Variants in MAD1L1 observed in about 807,000 individuals in gnomAD.
The protein encoded by MAD1L1 is mitotic spindle assembly checkpoint protein MAD1.
MAD1L1 carries 95 observed loss-of-function variants against 96.9 expected under a neutral mutation model. The ratio of observed to expected loss-of-function variants is 0.98; its 90% CI spans 0.83 to 1.16. The LOEUF (loss-of-function observed/expected upper bound fraction) is 1.16, where lower values mean the gene tolerates loss of function less well. Ranked by LOEUF, MAD1L1 falls within the 50% of genes most tolerant of loss-of-function variation. MAD1L1 has a pLI of 0.00. For synonymous variants in MAD1L1, 473 were observed against 396.6 expected (o/e 1.19, Z -2.29); for missense variants, 1,007 against 954.4 (o/e 1.06, Z -0.73).
At chr7:1,832,635 G>GGGGGGGGGT (rs1782757103) in intron 18 of MAD1L1, among the ~76,000 whole-genome samples, 1 of 25,192 alleles carries the variant, frequency 4.0e-5, no homozygotes, top group African/African-American at 2.4e-4. Flanking sequence ...TTTTTTGGCG[G>GGGGGGGGGT]GGGGGGGGGG....
In MAD1L1 at chr7:1,936,733, G is replaced by A. The variant is rs1482502057; in HGVS notation, c.1761C>T (p.Asp587=). The change falls in exon 17 of 19, where the codon GAC becomes GAT. Residue 587 remains aspartate, a synonymous_variant. Transcript: ENST00000265854. The stretch of plus-strand genomic sequence containing the variant: ...GCAGACTCGCGGCGGCAGCCTCAAG[G>A]TCGGCTGGGACGGTGCCTCCTCTCT... ...AMERGGTVPA[D]LEAAAASLPS... 1.0e-5 allele frequency: 16 copies of A among 1,563,602 alleles called. No individual in the cohort carries two copies. The highest frequency in any genetic ancestry group is 7.1e-5 in the East Asian group (3 of 42,068).
At chr7:2,073,591 G>C (rs763970640) in intron 11 of MAD1L1, among the ~76,000 whole-genome samples, 14 of 152,222 alleles carry the variant, frequency 9.2e-5, no homozygotes, top group Non-Finnish European at 1.3e-4. Context: ...CTCGCCTCTC[G>C]TGTCTGGCTG....
At chr7:1,840,708 A>G (rs1357751856) in intron 18 of MAD1L1, among the ~76,000 whole-genome samples, 2 of 152,236 alleles carry the variant, frequency 1.3e-5, no homozygotes, top group Admixed American at 6.5e-5. Context: ...CAGCCTGGGC[A>G]ACAGAATGAG....
intron 12 of MAD1L1, among the ~76,000 whole-genome samples, chr7:2,052,456 C>T (rs540811877): frequency 1.3e-5 from 2 of 149,788 alleles, no homozygotes; most frequent in South Asian, 2.1e-4. Context: ...GGGAGGGCGC[C>T]GGACAGCTCA....
At chr7:1,899,447 C>G (rs1787104936) in intron 17 of MAD1L1, among the ~76,000 whole-genome samples, 1 of 152,174 alleles carries the variant, frequency 6.6e-6, no homozygotes, top group South Asian at 2.1e-4. Flanking sequence ...GGGCCAGCTG[C>G]TAGCCTCCCT....
chr7:2,224,518 G>A (rs936527931), intron 4 of MAD1L1, among the ~76,000 whole-genome samples: 1 of 152,304 alleles, frequency 6.6e-6, no homozygotes, highest in East Asian at 1.9e-4. Flanking sequence ...TGCAGGCCAG[G>A]GGCAAGCAAT....
At chr7:1,934,973 A>G (rs1778501490) in intron 17 of MAD1L1, among the ~76,000 whole-genome samples, 1 of 151,828 alleles carries the variant, frequency 6.6e-6, no homozygotes, top group Non-Finnish European at 1.5e-5. Context: ...GGGAACGAAC[A>G]GATGGGCAAA....
Position 1,884,216 on chromosome 7 carries a change from G to T in MAD1L1, c.1998+13984C>A, listed in dbSNP as rs558176627. 4.6e-5 allele frequency among the ~76,000 whole-genome samples: 7 copies of T among 152,344 alleles called. 1 individual carries two copies. Among genetic ancestry groups the T allele is most frequent in the Admixed American group, 2.0e-4 (3 of 15,304 alleles). ...GGTGTTTGGTGGCACAGCCCTGCTC[G>T]CAGCTGCCCTGGCTGAAGAGACGTG... is the stretch of plus-strand genomic sequence containing the variant. On this transcript the variant is annotated intron_variant, in intron 18 of 18. Transcript: ENST00000265854.
At chr7:2,182,455 T>C (rs1791246911) in intron 10 of MAD1L1, among the ~76,000 whole-genome samples, 1 of 152,096 alleles carries the variant, frequency 6.6e-6, no homozygotes, top group South Asian at 2.1e-4. Flanking sequence ...AAGAAAGAGC[T>C]ACCATGTAAC....
chr7:2,122,979 C>T (rs1788052711), intron 11 of MAD1L1, among the ~76,000 whole-genome samples: 1 of 152,224 alleles, frequency 6.6e-6, no homozygotes, highest in Admixed American at 6.5e-5. Context: ...CGGTACCTCA[C>T]CTGCCTCCCT....
intron 12 of MAD1L1, among the ~76,000 whole-genome samples, chr7:2,049,732 T>C (rs1431276689): frequency 2.0e-5 from 3 of 152,186 alleles, no homozygotes; most frequent in Admixed American, 1.3e-4. Flanking sequence ...AGGAGGACTA[T>C]CGAGCACTGT....
intron 18 of MAD1L1, among the ~76,000 whole-genome samples, chr7:1,822,355 C>G (rs549073058): frequency 6.6e-6 from 1 of 150,980 alleles, no homozygotes; most frequent in African/African-American, 2.4e-5. Context: ...TGTTTATGAA[C>G]TGGAAGACTT....
intron 10 of MAD1L1, among the ~76,000 whole-genome samples, chr7:2,165,785 C>T (rs1441805335): frequency 6.6e-6 from 1 of 152,100 alleles, no homozygotes; most frequent in Non-Finnish European, 1.5e-5. Flanking sequence ...AGGCTCAGGG[C>T]GAGACAGAGT....
At chr7:1,859,412 A>G (rs1784411593) in intron 18 of MAD1L1, among the ~76,000 whole-genome samples, 2 of 152,228 alleles carry the variant, frequency 1.3e-5, no homozygotes, top group African/African-American at 4.8e-5. Flanking sequence ...GCAGAGCCAC[A>G]GGGATATGTG....
Position 2,036,504 on chromosome 7 carries a change from G to A in MAD1L1, c.1219-21862C>T, listed in dbSNP as rs183967867. 1.4e-4 allele frequency among the ~76,000 whole-genome samples: 21 copies of A among 152,306 alleles called. No individual in the cohort carries two copies. In the East Asian group the frequency reaches 3.3e-3, roughly 24 times the overall value. ...CTAGTCTGAGGAGGACAATCCATCC[G>A]GTCGTGAGTTTGGACTCTTCCTACA... On this transcript the variant is annotated intron_variant, in intron 12 of 18. Transcript: ENST00000265854.
intron 18 of MAD1L1, among the ~76,000 whole-genome samples, chr7:1,866,498 GTC>G (rs1784785081): frequency 1.3e-5 from 2 of 152,212 alleles, no homozygotes; most frequent in African/African-American, 4.8e-5. Context: ...GACGGTTCCA[GTC>G]TCTGGGGCAG....
intron 18 of MAD1L1, among the ~76,000 whole-genome samples, chr7:1,818,691 C>T (rs1272339821): frequency 6.6e-6 from 1 of 152,114 alleles, no homozygotes; most frequent in African/African-American, 2.4e-5. Context: ...CAGGCGTGAG[C>T]TCTGATCATT....
At chr7:1,943,295 C>T (rs1417924574) in intron 16 of MAD1L1, among the ~76,000 whole-genome samples, 1 of 152,210 alleles carries the variant, frequency 6.6e-6, no homozygotes. Context: ...TCTTGTGCTT[C>T]AAAGGACGCC....
chr7:2,218,184 C>T (rs567306044), intron 6 of MAD1L1, 141 bp from the exon 7 acceptor site: 65 of 640,554 alleles, frequency 1.0e-4, no homozygotes, highest in Middle Eastern at 3.6e-4. Context: ...CGGCACAGAC[C>T]CCCCGCCCCC....
Sources: gnomAD v4.1 joint callset for allele counts (sites outside exome capture counted in the v4.1 genomes callset) on GRCh38, gnomAD v4.1.1 for gene constraint, MANE v1.5 for transcripts, NCBI Gene and HGNC (gene_info 2026-07-23, HGNC 2026-07-21) for gene names.